Variants in RANBP10 observed in about 807,000 individuals in gnomAD.
The protein encoded by RANBP10 is RAN binding protein 10, also known as ran-binding protein 10.
In RANBP10, 24 loss-of-function variants were observed where a neutral mutation model predicts 72.8. The observed-to-expected ratio is 0.33, with a 90% confidence interval of 0.24 to 0.46. The LOEUF is 0.46. Among genes scored for constraint, RANBP10 ranks in the 20% least tolerant of loss-of-function variants. RANBP10 has a pLI of 1.00. For missense variants in RANBP10, 679 were observed against 817.5 expected (o/e 0.83, Z 2.07); for synonymous variants, 310 against 322.3 (o/e 0.96, Z 0.41).
At chr16:67,735,136 G>T (rs2053817617) in intron 5 of RANBP10, 94 bp from the exon 6 acceptor site, 7 of 1,270,248 alleles carry the variant, frequency 5.5e-6, no homozygotes, top group Non-Finnish European at 7.5e-6. Flanking sequence ...CCCATGCTTG[G>T]GCTGGGAGAG....
intron 2 of RANBP10, among the ~76,000 whole-genome samples, chr16:67,775,331 C>A (rs964387133): frequency 6.6e-6 from 1 of 152,034 alleles, no homozygotes; most frequent in African/African-American, 2.4e-5. Context: ...TTTAAAAAAA[C>A]CCCACAGCTA....
chr16:67,770,314 C>T (rs1448626721), intron 3 of RANBP10, among the ~76,000 whole-genome samples: 1 of 151,974 alleles, frequency 6.6e-6, no homozygotes, highest in Non-Finnish European at 1.5e-5. Context: ...CTGCCACACA[C>T]GTTCTGATTA....
chr16:67,780,969 T>C (rs2054799100), intron 2 of RANBP10, among the ~76,000 whole-genome samples: 1 of 152,244 alleles, frequency 6.6e-6, no homozygotes, highest in African/African-American at 2.4e-5. Context: ...AAACACAGTT[T>C]ACAATCCTAG....
chr16:67,758,255 A>G (rs948726346), intron 3 of RANBP10, among the ~76,000 whole-genome samples: 3 of 152,214 alleles, frequency 2.0e-5, no homozygotes, highest in African/African-American at 7.2e-5. Flanking sequence ...CGACAGGACA[A>G]GCTGGCTCTG....
intron 3 of RANBP10, among the ~76,000 whole-genome samples, chr16:67,767,886 G>T (rs1210600739): frequency 6.6e-6 from 1 of 151,658 alleles, no homozygotes; most frequent in African/African-American, 2.4e-5. Flanking sequence ...ATGAGCCACC[G>T]CGCCCTGCCT....
chr16:67,760,557 C>A (rs1042111798), intron 3 of RANBP10, among the ~76,000 whole-genome samples: 5 of 152,310 alleles, frequency 3.3e-5, no homozygotes, highest in Admixed American at 3.3e-4. Flanking sequence ...AAGCAGACAG[C>A]CCCTACCTCT....
chr16:67,777,657 T>C (rs1321889190), intron 2 of RANBP10, among the ~76,000 whole-genome samples: 1 of 152,210 alleles, frequency 6.6e-6, no homozygotes, highest in Non-Finnish European at 1.5e-5. Context: ...CTCTGTTCAC[T>C]GATTAGAAGA....
At position 67,799,137 on chromosome 16, in the gene RANBP10, T is replaced by C. The variant is rs144738415; in HGVS notation, c.347+6291A>G. Among the ~76,000 whole-genome samples, 1,470 of 152,144 alleles carry C rather than the reference T, an allele frequency of 9.7e-3. 15 individuals are homozygous for C. Among genetic ancestry groups the C allele is most frequent in the Middle Eastern group, 0.014 (4 of 294 alleles). On this transcript the variant is annotated intron_variant, in intron 2 of 13. Coordinates refer to ENST00000317506, the MANE Select transcript of RANBP10 (RefSeq NM_020850.3). ...TTTTAGGAGAGATGGGGTTTCGCCATGTTGGCCAGGCTGTTCTCGAACTCC... is the reference window on the plus strand; with the variant it reads ...TTTTAGGAGAGATGGGGTTTCGCCACGTTGGCCAGGCTGTTCTCGAACTCC...
intron 2 of RANBP10, among the ~76,000 whole-genome samples, chr16:67,790,858 C>A (rs180872910): frequency 6.6e-6 from 1 of 151,386 alleles, no homozygotes. Context: ...CGCCACCATG[C>A]CTGGCTAATT....
intron 2 of RANBP10, among the ~76,000 whole-genome samples, chr16:67,804,650 G>A (rs911664666): frequency 7.9e-5 from 12 of 152,126 alleles, no homozygotes; most frequent in East Asian, 3.9e-4. Flanking sequence ...TGATCCGCCC[G>A]CCTCGGTCTT....
intron 2 of RANBP10, among the ~76,000 whole-genome samples, chr16:67,782,983 T>C (rs1396036842): frequency 2.0e-5 from 3 of 151,998 alleles, no homozygotes; most frequent in African/African-American, 7.2e-5. Flanking sequence ...ATTTCAGTGA[T>C]GGGGGACACA....
At chr16:67,799,282 T>G (rs895079268) in intron 2 of RANBP10, among the ~76,000 whole-genome samples, 2 of 133,718 alleles carry the variant, frequency 1.5e-5, no homozygotes, top group African/African-American at 6.1e-5. Context: ...GCGCTCCACA[T>G]CTCTTTTTTT....
rs895044893 is a variant in RANBP10 at position 67,728,013 on chromosome 16, C to T, written c.1475-117G>A. The T allele has an allele frequency of 2.8e-5, 32 of 1,140,672 alleles. No homozygotes were observed. In the East Asian group the frequency reaches 3.2e-4, roughly 12 times the overall value. 70.7% of individuals were successfully genotyped at this position (1,140,672 alleles called of 1,614,324 possible). A position where few individuals can be genotyped will look rare whatever the true frequency, so the allele number is the denominator to read the frequency against. On this transcript the variant is annotated intron_variant, in intron 11 of 13. Transcript: ENST00000317506. ...CAGCTTCTGCCAGAGGCAGGCAGGG[C>T]TGGGAGGAACAGGTGAGGCAGCTAC...
chr16:67,787,423 C>T (rs1334564151), intron 2 of RANBP10, among the ~76,000 whole-genome samples: 1 of 152,124 alleles, frequency 6.6e-6, no homozygotes, highest in Non-Finnish European at 1.5e-5. Flanking sequence ...CCTTCACACA[C>T]TGCTGGTGGG....
intron 3 of RANBP10, among the ~76,000 whole-genome samples, chr16:67,758,652 TTTTCAGACACTGACAAACTCAGG>T (rs2143009441): frequency 6.6e-6 from 1 of 152,306 alleles, no homozygotes; most frequent in East Asian, 1.9e-4. Flanking sequence ...AGAATCTCTG[TTTTCAGACACTGACAAACTCAGG>T]TTTCAGAACT....
intron 3 of RANBP10, among the ~76,000 whole-genome samples, chr16:67,751,209 G>A (rs1227255376): frequency 6.6e-6 from 1 of 152,204 alleles, no homozygotes; most frequent in Admixed American, 6.5e-5. Flanking sequence ...AGATATTTTT[G>A]TCTCAGTGTA....
intron 3 of RANBP10, among the ~76,000 whole-genome samples, chr16:67,758,785 T>C (rs1838378482): frequency 6.6e-6 from 1 of 152,218 alleles, no homozygotes; most frequent in Non-Finnish European, 1.5e-5. Context: ...GGCTGGGGGC[T>C]AGTATTTGGA....
rs746777143 is a variant in RANBP10, at chr16:67,729,967, C to T, written c.969G>A (p.Glu323=). ...TTQRFYPGLL[E]HNPNLLFMLK... ...GCATGAAGAGGAGGTTGGGGTTGTG[C>T]TCCAGCAGCCCTGGGTAGAAGCGCT... Residue 323 remains glutamate, a synonymous_variant, in exon 8 of 14, where the codon GAG becomes GAA. Transcript: ENST00000317506. This position sits in a 1 kb window ranked among gnomAD's most constrained non-coding sequence, Gnocchi z 7.1. 4 of 1,613,672 alleles carry T rather than the reference C, an allele frequency of 2.5e-6. No individual in the cohort carries two copies. The South Asian group carries it at 3.3e-5, about 13-fold the overall frequency.
chr16:67,730,119 C>T lies in RANBP10; in HGVS notation c.890-73G>A. On this transcript the variant is annotated intron_variant, in intron 7 of 13. Coordinates refer to ENST00000317506, the MANE Select transcript of RANBP10 (RefSeq NM_020850.3). This position sits in a 1 kb window ranked among gnomAD's most constrained non-coding sequence, Gnocchi z 4.3. ...CCACAGCCACACACCTGGGATGCTG[C>T]CAGCCTCAGGGTAGGGTCCGGCTCA... 7.1e-7 allele frequency: 1 copy of T among 1,412,926 alleles called. No homozygotes were observed. Among genetic ancestry groups the T allele is most frequent in the Non-Finnish European group, 9.9e-7 (1 of 1,015,066 alleles). 87.5% of individuals were successfully genotyped at this position (1,412,926 alleles called of 1,614,324 possible). A position where few individuals can be genotyped will look rare whatever the true frequency, so the allele number is the denominator to read the frequency against.
Sources: gnomAD v4.1 joint callset for allele counts (sites outside exome capture counted in the v4.1 genomes callset) on GRCh38, gnomAD v4.1.1 for gene constraint, Gnocchi (gnomAD v3.1) non-coding constraint, MANE v1.5 for transcripts, NCBI Gene and HGNC (gene_info 2026-07-23, HGNC 2026-07-21) for gene names.